The following SLC16A7 variants were observed in gnomAD, a reference collection of about 807,000 sequenced individuals.
The protein encoded by SLC16A7 is solute carrier family 16 member 7.
Under a neutral mutation model 34.9 loss-of-function variants are expected in SLC16A7, and 33 were observed. That is an observed-to-expected ratio of 0.94 (90% CI 0.72 to 1.26). SLC16A7 has a LOEUF of 1.26. SLC16A7 is among the 50% of genes most tolerant of loss of function. The probability of loss-of-function intolerance (pLI) is 0.00; values close to 1 mark genes in which losing one functional copy is unlikely to be tolerated. For missense variants in SLC16A7, 573 were observed against 578.1 expected, an observed-to-expected ratio of 0.99 and a Z score of 0.09; for synonymous variants, 201 against 206.6, an observed-to-expected ratio of 0.97 and a Z score of 0.23.
chr12:59,677,914 C>T (rs1018358828), intron 2 of SLC16A7, among the ~76,000 whole-genome samples: 1 of 152,206 alleles, frequency 6.6e-6, no homozygotes. Context: ...ACCTCTGTGG[C>T]TGGTGGCACC....
intron 2 of SLC16A7, among the ~76,000 whole-genome samples, chr12:59,678,541 T>G (rs964716727): frequency 6.6e-6 from 1 of 152,160 alleles, no homozygotes; most frequent in Non-Finnish European, 1.5e-5. Context: ...AGTGAGTAAC[T>G]CTTCTACGCA....
Position 59,596,505 on chromosome 12 carries a change from G to A in SLC16A7, c.-130+269G>A, listed in dbSNP as rs1186042630. On this transcript the variant is annotated intron_variant, in intron 1 of 5. Coordinates refer to ENST00000547379, the MANE Select transcript of SLC16A7 (RefSeq NM_001270623.2). This position sits in a 1 kb window ranked among gnomAD's most constrained non-coding sequence, Gnocchi z 5.0. Reference sequence around the variant, plus strand: ...CCCGGGAACTGAGGGGGCGCGCGGGGTCCTGGGCAAGGAGCGCCTCGCGTG... The same window carrying A: ...CCCGGGAACTGAGGGGGCGCGCGGGATCCTGGGCAAGGAGCGCCTCGCGTG... Among the ~76,000 whole-genome samples the A allele has an allele frequency of 2.4e-5, 2 of 83,756 alleles. No individual in the cohort carries two copies. The highest frequency in any genetic ancestry group is 2.1e-4 in the Admixed American group (2 of 9,688). 54.9% of individuals were successfully genotyped at this position (83,756 alleles called of 152,430 possible).
At chr12:59,754,135 A>G (rs1879967282) in intron 3 of SLC16A7, among the ~76,000 whole-genome samples, 2 of 152,224 alleles carry the variant, frequency 1.3e-5, no homozygotes, top group Admixed American at 6.5e-5. Flanking sequence ...ATAGCACTAA[A>G]TGCCCACAAG....
intron 1 of SLC16A7, among the ~76,000 whole-genome samples, chr12:59,617,717 G>A (rs1162364855): frequency 6.6e-6 from 1 of 151,816 alleles, no homozygotes; most frequent in Non-Finnish European, 1.5e-5. Context: ...TGAAATTATT[G>A]AGGTCTGAAT....
At chr12:59,674,473 C>T (rs763839281) in intron 2 of SLC16A7, among the ~76,000 whole-genome samples, 12 of 152,122 alleles carry the variant, frequency 7.9e-5, no homozygotes, top group Admixed American at 1.3e-4. Context: ...TCACTAGGTT[C>T]AAGGAGCTTA....
chr12:59,651,937 T>C (rs1231456901), intron 1 of SLC16A7, among the ~76,000 whole-genome samples: 2 of 152,152 alleles, frequency 1.3e-5, no homozygotes, highest in Non-Finnish European at 2.9e-5. Flanking sequence ...TCATAAGGTA[T>C]AGAACTAAGC....
chr12:59,705,839 T>A (rs566186988), intron 3 of SLC16A7, among the ~76,000 whole-genome samples: 121 of 152,246 alleles, frequency 7.9e-4, no homozygotes, highest in African/African-American at 2.9e-3. Context: ...CAGACTATAG[T>A]CATTTAAAGA....
At chr12:59,600,612 G>A (rs895613345) in intron 1 of SLC16A7, among the ~76,000 whole-genome samples, 6 of 152,034 alleles carry the variant, frequency 3.9e-5, no homozygotes, top group Non-Finnish European at 7.4e-5. Context: ...ATTGTCGAGA[G>A]GAATAAATAA....
chr12:59,615,109 C>T (rs984233275), intron 1 of SLC16A7, among the ~76,000 whole-genome samples: 1 of 152,106 alleles, frequency 6.6e-6, no homozygotes, highest in Non-Finnish European at 1.5e-5. Flanking sequence ...CGCAATGTTT[C>T]CTCTCAGTAG....
chr12:59,674,377 A>C (rs999218586), intron 2 of SLC16A7, among the ~76,000 whole-genome samples: 1 of 152,176 alleles, frequency 6.6e-6, no homozygotes, highest in Admixed American at 6.5e-5. Context: ...TTTGATAAAT[A>C]TTTGTGAATT....
At chr12:59,626,290 C>G (rs1158884467) in intron 1 of SLC16A7, among the ~76,000 whole-genome samples, 1 of 151,624 alleles carries the variant, frequency 6.6e-6, no homozygotes, top group Non-Finnish European at 1.5e-5. Context: ...GACTTAAAAG[C>G]AGTTATCTGG....
chr12:59,752,377 T>C (rs1343679949), intron 3 of SLC16A7, among the ~76,000 whole-genome samples: 2 of 152,002 alleles, frequency 1.3e-5, no homozygotes, highest in Non-Finnish European at 2.9e-5. Flanking sequence ...GACGAATGTA[T>C]AACTAGAATA....
chr12:59,779,316 ATTAAT>A (rs934782258), intron 5 of SLC16A7, 102 bp from the exon 6 acceptor site: 43 of 851,822 alleles, frequency 5.0e-5, no homozygotes, highest in Non-Finnish European at 6.8e-5. Flanking sequence ...CTTATTTGAC[ATTAAT>A]TTAAATAAGA....
chr12:59,685,981 C>T (rs1297554305), intron 2 of SLC16A7, among the ~76,000 whole-genome samples: 1 of 151,438 alleles, frequency 6.6e-6, no homozygotes, highest in African/African-American at 2.4e-5. Context: ...TCTAAGCAGT[C>T]TTAAGGAACT....
chr12:59,777,158 T>C (rs948691628), intron 5 of SLC16A7, among the ~76,000 whole-genome samples: 1 of 152,214 alleles, frequency 6.6e-6, no homozygotes, highest in East Asian at 1.9e-4. Context: ...TTTCAATATT[T>C]TTGAATGCTT....
intron 3 of SLC16A7, among the ~76,000 whole-genome samples, chr12:59,738,899 T>G (rs1416495241): frequency 3.3e-5 from 5 of 151,776 alleles, no homozygotes; most frequent in Non-Finnish European, 5.9e-5. Flanking sequence ...TTTTTAAATT[T>G]ATATCACTTA....
intron 3 of SLC16A7, among the ~76,000 whole-genome samples, chr12:59,740,597 C>T (rs1878205125): frequency 6.6e-6 from 1 of 152,084 alleles, no homozygotes; most frequent in African/African-American, 2.4e-5. Context: ...AACCCACAGC[C>T]AATATCATAC....
At chr12:59,671,811 ATATAT>A (rs1869741210) in intron 2 of SLC16A7, among the ~76,000 whole-genome samples, 1 of 133,650 alleles carries the variant, frequency 7.5e-6, no homozygotes, top group African/African-American at 3.0e-5. Context: ...ATATATGTGT[ATATAT>A]ATGTGTATAT....
At chr12:59,714,576 T>C (rs1874663696) in intron 3 of SLC16A7, among the ~76,000 whole-genome samples, 1 of 151,708 alleles carries the variant, frequency 6.6e-6, no homozygotes, top group African/African-American at 2.4e-5. Flanking sequence ...TTTTTTTTTT[T>C]CCTTTTGAGA....
Sources: allele counts gnomAD v4.1 joint callset (sites outside exome capture counted in the v4.1 genomes callset), GRCh38; gene constraint gnomAD v4.1.1; non-coding constraint Gnocchi (gnomAD v3.1); transcripts MANE v1.5; gene names NCBI Gene and HGNC (gene_info 2026-07-23, HGNC 2026-07-21).